RANBP17: variants seen among roughly 807,000 people sequenced by gnomAD.
The protein encoded by RANBP17 is RAN binding protein 17, also known as ran-binding protein 17.
In RANBP17, 158 loss-of-function variants were observed where a neutral mutation model predicts 141.2. That is an observed-to-expected ratio of 1.12 (90% CI 0.98 to 1.28). The LOEUF (loss-of-function observed/expected upper bound fraction) is 1.28, where lower values mean the gene tolerates loss of function less well. Among genes scored for constraint, RANBP17 ranks in the 50% most tolerant of loss-of-function variants. RANBP17 has a pLI of 0.00. For missense variants in RANBP17, 1,438 were observed against 1,290.7 expected (o/e 1.11, Z -1.75); for synonymous variants, 430 against 450.0 (o/e 0.96, Z 0.56).
chr5:171,104,531 A>C (rs1462644386), intron 14 of RANBP17, among the ~76,000 whole-genome samples: 2 of 152,210 alleles, frequency 1.3e-5, no homozygotes, highest in African/African-American at 2.4e-5. Context: ...GTTGAGTAAC[A>C]GTTATACCTC....
chr5:170,907,888 C>G (rs1771200840), intron 5 of RANBP17, among the ~76,000 whole-genome samples: 1 of 151,738 alleles, frequency 6.6e-6, no homozygotes, highest in Admixed American at 6.6e-5. Context: ...AGACACTTCT[C>G]AAAAGAAGGC....
At chr5:170,997,091 AC>A (rs769559033) in intron 14 of RANBP17, among the ~76,000 whole-genome samples, 75 of 152,182 alleles carry the variant, frequency 4.9e-4, no homozygotes, top group Admixed American at 1.3e-3. Context: ...GTGAGTTCTC[AC>A]GAGATCTGAT....
intron 14 of RANBP17, among the ~76,000 whole-genome samples, chr5:171,168,302 CTGAT>C (rs1361637843): frequency 6.6e-6 from 1 of 152,100 alleles, no homozygotes; most frequent in Non-Finnish European, 1.5e-5. Context: ...AGGAAGAAGA[CTGAT>C]TGAGGCAAAA....
At chr5:171,044,809 G>T (rs937641639) in intron 14 of RANBP17, among the ~76,000 whole-genome samples, 1 of 152,036 alleles carries the variant, frequency 6.6e-6, no homozygotes, top group Admixed American at 6.6e-5. Flanking sequence ...GGCAATAGAA[G>T]AAATGAATGG....
At chr5:171,011,366 A>G (rs548606795) in intron 14 of RANBP17, among the ~76,000 whole-genome samples, 1 of 152,124 alleles carries the variant, frequency 6.6e-6, no homozygotes, top group East Asian at 1.9e-4. Context: ...TTTGGCCTAT[A>G]TAGTCTCCCT....
chr5:170,881,925 A>G, intron 3 of RANBP17, 29 bp downstream of exon 3: 1 of 1,426,750 alleles, frequency 7.0e-7, no homozygotes, highest in Non-Finnish European at 9.7e-7. Context: ...TTTTTAACCA[A>G]CTGCGCTTTA....
At chr5:171,242,565 G>T in intron 23 of RANBP17, 117 bp from the exon 24 acceptor site, 1 of 1,052,634 alleles carries the variant, frequency 9.5e-7, no homozygotes, top group South Asian at 1.4e-5. Flanking sequence ...TATATTTATT[G>T]ACCTTGTGTT....
chr5:170,986,667 C>A (rs1457693), intron 14 of RANBP17, among the ~76,000 whole-genome samples: 1 of 151,538 alleles, frequency 6.6e-6, no homozygotes, highest in African/African-American at 2.4e-5. Flanking sequence ...AAAATAAAAA[C>A]GGGGAATTAT....
intron 14 of RANBP17, among the ~76,000 whole-genome samples, chr5:171,157,686 ATTTTTAACAT>A (rs1759004997): frequency 6.6e-6 from 1 of 152,228 alleles, no homozygotes; most frequent in East Asian, 1.9e-4. Flanking sequence ...GCTGCCATCA[ATTTTTAACAT>A]TTGAGGGTTG....
chr5:170,901,798 A>T (rs1770659032), intron 5 of RANBP17, among the ~76,000 whole-genome samples: 1 of 152,216 alleles, frequency 6.6e-6, no homozygotes, highest in African/African-American at 2.4e-5. Context: ...TTGGGTGGAT[A>T]TGAAATTCTG....
chr5:170,986,399 T>C (rs947763628), intron 14 of RANBP17, among the ~76,000 whole-genome samples: 8 of 151,950 alleles, frequency 5.3e-5, no homozygotes, highest in East Asian at 1.9e-4. Flanking sequence ...AGTGTAACTA[T>C]AGTGAACAAT....
At chr5:171,247,418 A>G (rs1446143650) in intron 24 of RANBP17, among the ~76,000 whole-genome samples, 2 of 152,218 alleles carry the variant, frequency 1.3e-5, no homozygotes, top group Admixed American at 1.3e-4. Context: ...CAACAATGAT[A>G]TATTTTAAAA....
chr5:171,073,962 C>G (rs1283858618), intron 14 of RANBP17, among the ~76,000 whole-genome samples: 1 of 151,576 alleles, frequency 6.6e-6, no homozygotes, highest in Non-Finnish European at 1.5e-5. Flanking sequence ...TCGGAGAAAA[C>G]AGACAAATCT....
At chr5:171,168,895 G>A (rs1437030164) in intron 14 of RANBP17, among the ~76,000 whole-genome samples, 1 of 151,262 alleles carries the variant, frequency 6.6e-6, no homozygotes, top group East Asian at 1.9e-4. Flanking sequence ...CCACCGTTCA[G>A]CCCTTCCTGC....
chr5:170,972,557 A>G (rs753353589), intron 14 of RANBP17, among the ~76,000 whole-genome samples: 2 of 152,088 alleles, frequency 1.3e-5, no homozygotes, highest in African/African-American at 2.4e-5. Flanking sequence ...TATTTTAATT[A>G]TTGAGTGGTA....
chr5:170,903,560 A>G, intron 5 of RANBP17: 1 of 236,472 alleles, frequency 4.2e-6, no homozygotes. Flanking sequence ...CTTGAAGATG[A>G]ATTCCCAGAA....
chr5:171,002,823 A>G (rs1048648927), intron 14 of RANBP17, among the ~76,000 whole-genome samples: 1 of 152,048 alleles, frequency 6.6e-6, no homozygotes, highest in African/African-American at 2.4e-5. Flanking sequence ...GGGGAAATGG[A>G]GTGAATGTCA....
intron 14 of RANBP17, among the ~76,000 whole-genome samples, chr5:171,051,998 G>A (rs958338793): frequency 9.2e-5 from 14 of 152,170 alleles, no homozygotes; most frequent in East Asian, 7.7e-4. Context: ...TTTTCCTAAC[G>A]TCAGCTGAGG....
intron 14 of RANBP17, among the ~76,000 whole-genome samples, chr5:170,976,014 G>A (rs1244207280): frequency 6.7e-6 from 1 of 149,734 alleles, no homozygotes; most frequent in African/African-American, 2.4e-5. Context: ...AAAACAAAAA[G>A]GCATCCAGAT....
Sources: allele counts gnomAD v4.1 joint callset (sites outside exome capture counted in the v4.1 genomes callset), GRCh38; gene constraint gnomAD v4.1.1; transcripts MANE v1.5; gene names NCBI Gene and HGNC (gene_info 2026-07-23, HGNC 2026-07-21).